The following TMEM245 variants were observed in gnomAD, a reference collection of about 807,000 sequenced individuals.
TMEM245 encodes the protein transmembrane protein 245.
In TMEM245, 69 loss-of-function variants were observed where a neutral mutation model predicts 101.2. That is an observed-to-expected ratio of 0.68 (90% CI 0.56 to 0.83). TMEM245 has a LOEUF of 0.83. Ranked by LOEUF, TMEM245 falls within the 40% of genes least tolerant of loss-of-function variation. TMEM245 has a pLI of 0.00. For synonymous variants in TMEM245, 537 were observed against 449.8 expected (o/e 1.19, Z -2.45); for missense variants, 1,075 against 1,092.8 (o/e 0.98, Z 0.23).
chr9:109,046,755 C>T (rs1320197813), intron 14 of TMEM245, among the ~76,000 whole-genome samples: 1 of 152,188 alleles, frequency 6.6e-6, no homozygotes, highest in Non-Finnish European at 1.5e-5. Context: ...GAGGACATTA[C>T]AATATTTTCA....
intron 4 of TMEM245, among the ~76,000 whole-genome samples, chr9:109,092,443 G>A (rs1303754891): frequency 1.3e-5 from 2 of 152,184 alleles, no homozygotes; most frequent in African/African-American, 4.8e-5. Context: ...AAAAGTGCAG[G>A]GCTAAAGCCC....
chr9:109,119,933 C>T lies in TMEM245; in HGVS notation c.-20G>A. The T allele has an allele frequency of 1.5e-6, 2 of 1,291,260 alleles. No individual in the cohort carries two copies. Among genetic ancestry groups the T allele is most frequent in the South Asian group, 3.0e-5 (1 of 32,816 alleles). The allele number at this position is 1,291,260 out of a possible 1,614,324, so 80.0% of individuals were successfully genotyped here. On this transcript the variant is annotated 5_prime_UTR_variant, in exon 1 of 18. Coordinates refer to ENST00000374586, the MANE Select transcript of TMEM245 (RefSeq NM_032012.4). The stretch of plus-strand genomic sequence containing the variant: ...GGCCATCGTTCCTCCGCCACAGCCG[C>T]CCCCGAGGGGCGGTAATGGGAGTCG...
At position 109,119,506 on chromosome 9, in the gene TMEM245, C is replaced by T. The variant is rs775094411; in HGVS notation, c.408G>A (p.Glu136=). Residue 136 remains glutamate, a synonymous_variant, in exon 1 of 18, where the codon GAG becomes GAA. Transcript: ENST00000374586. ...LPLCFVDYGV[E]ALGEQALRRR... ...GGCGCAGCGCCTGCTCGCCCAGGGC[C>T]TCGACGCCGTAGTCGACGAAGCAGA... 6.6e-7 allele frequency: 1 copy of T among 1,514,746 alleles called. No individual in the cohort carries two copies. Among genetic ancestry groups the T allele is most frequent in the South Asian group, 1.2e-5 (1 of 81,876 alleles). 93.8% of individuals were successfully genotyped at this position (1,514,746 alleles called of 1,614,324 possible). A position where few individuals can be genotyped will look rare whatever the true frequency, so the allele number is the denominator to read the frequency against.
intron 3 of TMEM245, among the ~76,000 whole-genome samples, chr9:109,097,910 T>C (rs2583374): frequency 0.069 from 10,454 of 152,140 alleles, 466 homozygotes; most frequent in African/African-American, 0.11. Context: ...CAGAGAGAGA[T>C]TCCGTCTTGA....
intron 1 of TMEM245, among the ~76,000 whole-genome samples, chr9:109,117,602 A>G (rs1263528771): frequency 6.6e-6 from 1 of 152,204 alleles, no homozygotes; most frequent in African/African-American, 2.4e-5. Flanking sequence ...ATGTTTCTTT[A>G]CAAGTGCTCA....
At chr9:109,042,515 T>C (rs1327894812) in intron 14 of TMEM245, 2 of 152,258 alleles carry the variant, frequency 1.3e-5, no homozygotes, top group East Asian at 1.9e-4. Context: ...GCTGCCTTCA[T>C]TCCTTGGCTC....
At position 109,020,392 on chromosome 9, in the gene TMEM245, G is replaced by A; in HGVS notation, c.*68C>T. 1 of 1,489,666 alleles carries A rather than the reference G, an allele frequency of 6.7e-7. No individual in the cohort carries two copies. The allele number at this position is 1,489,666 out of a possible 1,614,324, so 92.3% of individuals were successfully genotyped here. On this transcript the variant is annotated 3_prime_UTR_variant, in exon 18 of 18. Coordinates refer to ENST00000374586, the MANE Select transcript of TMEM245 (RefSeq NM_032012.4). ...CTAGGCACAGCTGGAAGGGCAGAGG[G>A]CCACAGCTGAGCTGAACTCGCTGTC...
At chr9:109,096,298 G>A (rs1039940681) in intron 3 of TMEM245, among the ~76,000 whole-genome samples, 4 of 152,128 alleles carry the variant, frequency 2.6e-5, no homozygotes, top group African/African-American at 7.2e-5. Context: ...CCAACATGCC[G>A]AAACCCCGTC....
intron 3 of TMEM245, among the ~76,000 whole-genome samples, chr9:109,093,806 T>TGGGAACTTA (rs1830069924): frequency 1.3e-5 from 2 of 152,208 alleles, no homozygotes; most frequent in African/African-American, 2.4e-5. Flanking sequence ...CTTCCTCCTT[T>TGGGAACTTA]GGGAACTTAA....
chr9:109,115,520 A>ATATT (rs1830698478), intron 1 of TMEM245, among the ~76,000 whole-genome samples: 1 of 120,208 alleles, frequency 8.3e-6, no homozygotes, highest in Admixed American at 8.3e-5. Flanking sequence ...AGTAACTGGA[A>ATATT]TCTTTTTTTT....
intron 1 of TMEM245, 102 bp from the exon 2 acceptor site, chr9:109,108,672 C>T (rs530161685): frequency 1.3e-6 from 1 of 743,168 alleles, no homozygotes; most frequent in East Asian, 2.8e-5. Context: ...ATGCTCTGGA[C>T]ATAGCACAGA....
chr9:109,112,800 G>T (rs563409260), intron 1 of TMEM245, among the ~76,000 whole-genome samples: 1 of 152,144 alleles, frequency 6.6e-6, no homozygotes, highest in South Asian at 2.1e-4. Flanking sequence ...TAATTCGGCC[G>T]GGCGCGGTGG....
intron 3 of TMEM245, among the ~76,000 whole-genome samples, chr9:109,097,658 C>T (rs1352378619): frequency 1.3e-5 from 2 of 152,184 alleles, no homozygotes; most frequent in Non-Finnish European, 2.9e-5. Flanking sequence ...GTGGCTCACA[C>T]CTGTAATCCC....
chr9:109,033,783 T>A (rs941684066), intron 16 of TMEM245, among the ~76,000 whole-genome samples: 3 of 152,234 alleles, frequency 2.0e-5, no homozygotes, highest in African/African-American at 4.8e-5. Context: ...TTTATACCCA[T>A]TACAGGTGCC....
Position 109,077,401 on chromosome 9 carries a change from C to T in TMEM245, c.1449+3438G>A, listed in dbSNP as rs115539266. 8.1e-3 allele frequency among the ~76,000 whole-genome samples: 1,233 copies of T among 152,306 alleles called. 21 individuals carry two copies. Among genetic ancestry groups the T allele is most frequent in the African/African-American group, 0.027 (1,142 of 41,568 alleles). On this transcript the variant is annotated intron_variant, in intron 8 of 17. Transcript: ENST00000374586. ...CTCCTGGAGTCAAGGGATCCACCTGCCTCATCTTCCCGAAGTCCTGGGATT... is the reference window on the plus strand; with the variant it reads ...CTCCTGGAGTCAAGGGATCCACCTGTCTCATCTTCCCGAAGTCCTGGGATT...
At chr9:109,073,627 A>G (rs1478547563) in intron 8 of TMEM245, among the ~76,000 whole-genome samples, 189 bp from the exon 9 acceptor site, 2 of 152,242 alleles carry the variant, frequency 1.3e-5, no homozygotes, top group African/African-American at 4.8e-5. Flanking sequence ...ACTACGGGAA[A>G]TAAAAAGTAC....
chr9:109,081,556 G>A (rs1220265370), intron 7 of TMEM245, among the ~76,000 whole-genome samples: 1 of 152,140 alleles, frequency 6.6e-6, no homozygotes, highest in East Asian at 1.9e-4. Flanking sequence ...GGGTTGGGAG[G>A]TGAATGCACA....
At chr9:109,088,677 C>T (rs946587950) in intron 5 of TMEM245, among the ~76,000 whole-genome samples, 11 of 151,824 alleles carry the variant, frequency 7.2e-5, no homozygotes, top group Non-Finnish European at 1.2e-4. Context: ...ATTAGCCAGG[C>T]GTTGTGGCAG....
At chr9:109,096,890 T>G (rs759069251) in intron 3 of TMEM245, among the ~76,000 whole-genome samples, 1 of 152,254 alleles carries the variant, frequency 6.6e-6, no homozygotes, top group Non-Finnish European at 1.5e-5. Context: ...TAATGGACTT[T>G]CAGTTCAGCT....
Sources: allele counts gnomAD v4.1 joint callset (sites outside exome capture counted in the v4.1 genomes callset), GRCh38; gene constraint gnomAD v4.1.1; transcripts MANE v1.5; gene names NCBI Gene and HGNC (gene_info 2026-07-23, HGNC 2026-07-21).